Variants in SEMA3E observed in about 807,000 individuals in gnomAD.
SEMA3E encodes semaphorin-3E.
Under a neutral mutation model 93.6 loss-of-function variants are expected in SEMA3E, and 49 were observed. The ratio of observed to expected loss-of-function variants is 0.52; its 90% CI spans 0.42 to 0.66. The LOEUF is 0.66. Ranked by LOEUF, SEMA3E falls within the 30% of genes least tolerant of loss-of-function variation. SEMA3E has a pLI of 0.00. For missense variants in SEMA3E, 906 were observed against 964.8 expected, an observed-to-expected ratio of 0.94 and a Z score of 0.81; for synonymous variants, 363 against 330.7, an observed-to-expected ratio of 1.10 and a Z score of -1.06.
chr7:83,526,411 A>T (rs974377165), intron 1 of SEMA3E, among the ~76,000 whole-genome samples: 1 of 152,050 alleles, frequency 6.6e-6, no homozygotes, highest in African/African-American at 2.4e-5. Flanking sequence ...ATTTTCAGGG[A>T]TATTGGAGAG....
At chr7:83,513,045 T>C (rs1178199615) in intron 1 of SEMA3E, among the ~76,000 whole-genome samples, 1 of 152,192 alleles carries the variant, frequency 6.6e-6, no homozygotes, top group Non-Finnish European at 1.5e-5. Context: ...TCACATCAAT[T>C]ATAATATGAA....
intron 1 of SEMA3E, among the ~76,000 whole-genome samples, chr7:83,535,678 T>C (rs78489729): frequency 0.011 from 1,678 of 152,240 alleles, 16 homozygotes; most frequent in Non-Finnish European, 0.015. Context: ...CAAAAGAAAA[T>C]GCTTGAGGTA....
At chr7:83,373,934 C>T (rs1000108720) in intron 16 of SEMA3E, among the ~76,000 whole-genome samples, 3 of 152,070 alleles carry the variant, frequency 2.0e-5, no homozygotes, top group African/African-American at 4.8e-5. Context: ...AGGCCGGGCG[C>T]GGTGTTTCAC....
intron 2 of SEMA3E, among the ~76,000 whole-genome samples, chr7:83,487,513 T>C (rs1412628622): frequency 6.6e-6 from 1 of 151,884 alleles, no homozygotes; most frequent in Non-Finnish European, 1.5e-5. Flanking sequence ...GATTAGATAC[T>C]CCTTCACAGA....
chr7:83,440,239 A>C (rs1369646145), intron 4 of SEMA3E, among the ~76,000 whole-genome samples: 1 of 152,096 alleles, frequency 6.6e-6, no homozygotes, highest in Non-Finnish European at 1.5e-5. Flanking sequence ...AGTGTGAAAA[A>C]TCTCTATAAT....
chr7:83,431,679 C>T (rs1788886375), intron 4 of SEMA3E, among the ~76,000 whole-genome samples: 1 of 68,906 alleles, frequency 1.5e-5, no homozygotes, highest in South Asian at 5.5e-4. Flanking sequence ...GCTGGAGTTA[C>T]AAGCATGAGT....
At chr7:83,555,616 G>A (rs1256595116) in intron 1 of SEMA3E, among the ~76,000 whole-genome samples, 1 of 152,062 alleles carries the variant, frequency 6.6e-6, no homozygotes, top group Non-Finnish European at 1.5e-5. Context: ...CCCATCTCTT[G>A]TTACAAATCA....
At chr7:83,454,790 C>A (rs969457327) in intron 4 of SEMA3E, among the ~76,000 whole-genome samples, 1 of 152,246 alleles carries the variant, frequency 6.6e-6, no homozygotes, top group Non-Finnish European at 1.5e-5. Flanking sequence ...GATGAGATAA[C>A]GTGTAACACA....
intron 1 of SEMA3E, among the ~76,000 whole-genome samples, chr7:83,521,174 G>C (rs1283069269): frequency 6.6e-6 from 1 of 151,732 alleles, no homozygotes; most frequent in Non-Finnish European, 1.5e-5. Flanking sequence ...TTGCCCATAA[G>C]AATTTTCTTT....
chr7:83,500,313 G>A (rs919538152), intron 1 of SEMA3E, among the ~76,000 whole-genome samples: 1 of 152,098 alleles, frequency 6.6e-6, no homozygotes, highest in East Asian at 2.0e-4. Flanking sequence ...GCAGGCACCT[G>A]CAGTCCCAGC....
intron 16 of SEMA3E, among the ~76,000 whole-genome samples, chr7:83,370,327 A>G (rs1025745236): frequency 1.3e-5 from 2 of 151,970 alleles, no homozygotes; most frequent in African/African-American, 4.8e-5. Context: ...TAACTTTCCT[A>G]TTTCTGGCCA....
At chr7:83,442,314 C>T (rs1354961502) in intron 4 of SEMA3E, among the ~76,000 whole-genome samples, 4 of 152,084 alleles carry the variant, frequency 2.6e-5, no homozygotes, top group Admixed American at 2.0e-4. Context: ...TTTTGGATGC[C>T]GATCCTTTCC....
intron 1 of SEMA3E, among the ~76,000 whole-genome samples, chr7:83,620,318 A>C (rs974468212): frequency 6.6e-6 from 1 of 151,984 alleles, no homozygotes; most frequent in Non-Finnish European, 1.5e-5. Flanking sequence ...TGAGAATAAA[A>C]ATCTGAATAA....
intron 1 of SEMA3E, among the ~76,000 whole-genome samples, chr7:83,600,481 A>G (rs10250554): frequency 0.59 from 79,049 of 133,812 alleles, 24,174 homozygotes; most frequent in African/African-American, 0.8. Flanking sequence ...CACCACGCCC[A>G]GCTAATTTTT....
At chr7:83,534,846 T>G (rs1335627593) in intron 1 of SEMA3E, among the ~76,000 whole-genome samples, 1 of 152,216 alleles carries the variant, frequency 6.6e-6, no homozygotes, top group Non-Finnish European at 1.5e-5. Flanking sequence ...GTAAGTTTTT[T>G]GCATTGGAGG....
intron 1 of SEMA3E, among the ~76,000 whole-genome samples, chr7:83,593,264 C>CTCTG (rs1234168151): frequency 3.9e-5 from 4 of 101,968 alleles, no homozygotes; most frequent in African/African-American, 2.0e-4. Context: ...CTCTCTGTCT[C>CTCTG]TCTCTCTCTC....
chr7:83,549,304 A>G (rs1373229995), intron 1 of SEMA3E, among the ~76,000 whole-genome samples: 3 of 152,140 alleles, frequency 2.0e-5, no homozygotes, highest in Non-Finnish European at 4.4e-5. Context: ...CAACTTTTAC[A>G]TATCATAAAG....
intron 2 of SEMA3E, among the ~76,000 whole-genome samples, chr7:83,475,239 A>G (rs971168412): frequency 2.6e-5 from 4 of 152,080 alleles, no homozygotes; most frequent in East Asian, 1.9e-4. Context: ...CTTTAGTTTT[A>G]CTGCATATTA....
At chr7:83,634,521 T>G (rs1793845178) in intron 1 of SEMA3E, among the ~76,000 whole-genome samples, 1 of 152,124 alleles carries the variant, frequency 6.6e-6, no homozygotes. Context: ...TACATAACTT[T>G]TGTCTTACTT....
Sources: gnomAD v4.1 joint callset for allele counts (sites outside exome capture counted in the v4.1 genomes callset) on GRCh38, gnomAD v4.1.1 for gene constraint, MANE v1.5 for transcripts, NCBI Gene and HGNC (gene_info 2026-07-23, HGNC 2026-07-21) for gene names.